CHD6: variants seen among roughly 807,000 people sequenced by gnomAD.
CHD6 encodes ATP-dependent chromatin remodeler CHD6.
CHD6 carries 50 observed loss-of-function variants against 276.9 expected under a neutral mutation model. That is an observed-to-expected ratio of 0.18 (90% CI 0.14 to 0.23). CHD6 has a LOEUF of 0.23. CHD6 is among the 10% of genes least tolerant of loss of function. The pLI, the probability that CHD6 is intolerant of heterozygous loss-of-function variation, is 1.00. For missense variants in CHD6, 2,564 were observed against 3,365.8 expected (o/e 0.76, Z 5.89); for synonymous variants, 1,173 against 1,229.3 (o/e 0.95, Z 0.96).
At chr20:41,424,062 A>T (rs2047283008) in intron 29 of CHD6, among the ~76,000 whole-genome samples, 1 of 142,636 alleles carries the variant, frequency 7.0e-6, no homozygotes, top group Admixed American at 7.0e-5. Flanking sequence ...TATATGCTTA[A>T]ATATCTAGCC....
intron 1 of CHD6, among the ~76,000 whole-genome samples, chr20:41,552,296 C>T (rs1333190508): frequency 6.6e-6 from 1 of 152,206 alleles, no homozygotes; most frequent in African/African-American, 2.4e-5. Context: ...AACTACAGAA[C>T]ACCACTCACT....
chr20:41,598,692 G>A (rs985587896), intron 1 of CHD6, among the ~76,000 whole-genome samples: 6 of 152,242 alleles, frequency 3.9e-5, no homozygotes, highest in African/African-American at 9.6e-5. Context: ...ATTTCACCTC[G>A]TGTCTCTCAC....
intron 2 of CHD6, among the ~76,000 whole-genome samples, chr20:41,543,729 C>T (rs554503354): frequency 3.9e-5 from 6 of 152,326 alleles, no homozygotes; most frequent in East Asian, 3.9e-4. Context: ...CAACCACCAT[C>T]GTAAGAATGT....
intron 1 of CHD6, among the ~76,000 whole-genome samples, chr20:41,606,369 C>A (rs1379556475): frequency 1.3e-5 from 2 of 152,180 alleles, no homozygotes; most frequent in Non-Finnish European, 2.9e-5. Context: ...ACAAAATTAG[C>A]CAGGCGTGGT....
At chr20:41,499,181 CCTAG>C (rs2043770256) in intron 6 of CHD6, 110 bp downstream of exon 6, 1 of 719,520 alleles carries the variant, frequency 1.4e-6, no homozygotes, top group East Asian at 2.9e-5. Flanking sequence ...AATATTCTTG[CCTAG>C]CTCTCACTCC....
rs1278434982 is a variant in CHD6 at position 41,402,555 on chromosome 20, T to G, written c.*2038A>C. 1 of 229,902 alleles carries G rather than the reference T, an allele frequency of 4.3e-6. No homozygotes were observed. The highest frequency in any genetic ancestry group is 8.6e-6 in the Non-Finnish European group (1 of 116,046). The allele number at this position is 229,902 out of a possible 1,614,324, so 14.2% of individuals were successfully genotyped here. Reference sequence around the variant, plus strand: ...ACAAAGAAAACCAGACTCTGCTGGATGTCTATAATACTCATTTGCAGTAAG... The same window carrying G: ...ACAAAGAAAACCAGACTCTGCTGGAGGTCTATAATACTCATTTGCAGTAAG... On this transcript the variant is annotated 3_prime_UTR_variant, in exon 37 of 37. Transcript: ENST00000373233.
chr20:41,558,499 T>G (rs148311881), intron 1 of CHD6, among the ~76,000 whole-genome samples: 4 of 152,340 alleles, frequency 2.6e-5, no homozygotes, highest in South Asian at 4.1e-4. Context: ...TTTAATGATG[T>G]AAAAACAAAC....
intron 22 of CHD6, 95 bp from the exon 23 acceptor site, chr20:41,451,200 G>GT: frequency 9.0e-7 from 1 of 1,115,328 alleles, no homozygotes; most frequent in Non-Finnish European, 1.3e-6. Flanking sequence ...TTAGAACAGA[G>GT]TTGGGCTGTG....
intron 2 of CHD6, among the ~76,000 whole-genome samples, chr20:41,534,575 T>A (rs1307801328): frequency 6.7e-6 from 1 of 149,418 alleles, no homozygotes; most frequent in East Asian, 2.1e-4. Flanking sequence ...AGGAAAGATT[T>A]TTGGGGGGGC....
chr20:41,601,266 C>G (rs2045770455), intron 1 of CHD6, among the ~76,000 whole-genome samples: 1 of 152,182 alleles, frequency 6.6e-6, no homozygotes, highest in Non-Finnish European at 1.5e-5. Context: ...GCCATTCTAG[C>G]ACGAAGTACA....
At chr20:41,476,721 T>C (rs1025555131) in intron 16 of CHD6, among the ~76,000 whole-genome samples, 8 of 151,686 alleles carry the variant, frequency 5.3e-5, no homozygotes, top group South Asian at 2.1e-4. Context: ...CAATAGTGTA[T>C]ATGAAGGACC....
chr20:41,494,516 TA>T (rs1224074051), intron 8 of CHD6, among the ~76,000 whole-genome samples: 7 of 152,150 alleles, frequency 4.6e-5, no homozygotes, highest in African/African-American at 1.7e-4. Flanking sequence ...ATGTCCAGAG[TA>T]ATGCTAAGTA....
At chr20:41,471,721 G>A (rs893059970) in intron 17 of CHD6, among the ~76,000 whole-genome samples, 60 of 151,768 alleles carry the variant, frequency 4.0e-4, no homozygotes, top group Non-Finnish European at 1.6e-4. Flanking sequence ...ATTTTTAGTA[G>A]AGACGGGGTT....
At chr20:41,451,720 C>T (rs1033342180) in intron 22 of CHD6, 106 bp downstream of exon 22, 14 of 978,228 alleles carry the variant, frequency 1.4e-5, no homozygotes, top group South Asian at 7.3e-5. Context: ...GAAAAACACC[C>T]GAGAAAGAGA....
At chr20:41,518,235 C>T (rs549716943) in intron 3 of CHD6, among the ~76,000 whole-genome samples, 2 of 152,310 alleles carry the variant, frequency 1.3e-5, no homozygotes, top group East Asian at 1.9e-4. Flanking sequence ...TATTAGAACA[C>T]TGTCTGTATA....
chr20:41,576,495 G>C (rs929480210), intron 1 of CHD6, among the ~76,000 whole-genome samples: 8 of 152,098 alleles, frequency 5.3e-5, no homozygotes, highest in Non-Finnish European at 5.9e-5. Flanking sequence ...AGACCAGCCT[G>C]GCCAACATGG....
intron 33 of CHD6, 61 bp downstream of exon 33, chr20:41,416,527 A>T (rs3817894): frequency 0.019 from 27,622 of 1,471,256 alleles, 390 homozygotes; most frequent in East Asian, 0.048. Flanking sequence ...TGAACTCAAC[A>T]GAGACGTGGA....
intron 12 of CHD6, 142 bp from the exon 13 acceptor site, chr20:41,488,746 G>A (rs972414812): frequency 3.5e-5 from 24 of 689,522 alleles, no homozygotes; most frequent in African/African-American, 9.0e-5. Flanking sequence ...TGTGAGAAAA[G>A]AGAATATAAG....
At chr20:41,445,448 G>A (rs59578701) in intron 25 of CHD6, among the ~76,000 whole-genome samples, 3,209 of 152,248 alleles carry the variant, frequency 0.021, 99 homozygotes, top group African/African-American at 0.068. Context: ...TGGCCTGAAT[G>A]TTCCTCAATA....
Sources: gnomAD v4.1 joint callset for allele counts (sites outside exome capture counted in the v4.1 genomes callset) on GRCh38, gnomAD v4.1.1 for gene constraint, MANE v1.5 for transcripts, NCBI Gene and HGNC (gene_info 2026-07-23, HGNC 2026-07-21) for gene names.